The following PCDH11X variants were observed in gnomAD, a reference collection of about 807,000 sequenced individuals.
PCDH11X encodes the protein protocadherin-11 X-linked.
Under a neutral mutation model 53.3 loss-of-function variants are expected in PCDH11X, and 18 were observed. The ratio of observed to expected loss-of-function variants is 0.34; its 90% CI spans 0.23 to 0.50. PCDH11X has a LOEUF of 0.50. Ranked by LOEUF, PCDH11X falls within the 20% of genes least tolerant of loss-of-function variation. The pLI, the probability that PCDH11X is intolerant of heterozygous loss-of-function variation, is 0.98. For missense variants in PCDH11X, 570 were observed against 1,032.4 expected, an observed-to-expected ratio of 0.55 and a Z score of 6.14; for synonymous variants, 279 against 393.3, an observed-to-expected ratio of 0.71 and a Z score of 3.44.
At chrX:91,996,140 CTTTTTTTTTTTTT>C (rs753881311) in intron 6 of PCDH11X, among the ~76,000 whole-genome samples, 4 of 66,605 alleles carry the variant, frequency 6.0e-5, no homozygotes, top group South Asian at 7.5e-4. Context: ...CACGCCTGGC[CTTTTTTTTTTTTT>C]TTTTTTTTTT....
At chrX:92,293,351 A>G (rs1344817701) in intron 8 of PCDH11X, among the ~76,000 whole-genome samples, 3 of 110,639 alleles carry the variant, frequency 2.7e-5, no homozygotes, top group African/African-American at 6.6e-5. Flanking sequence ...TGGGCCAGAC[A>G]CGGTGGCTGA....
chrX:92,597,221 G>A (rs1925723116), intron 10 of PCDH11X, among the ~76,000 whole-genome samples: 3 of 110,655 alleles, frequency 2.7e-5, no homozygotes, highest in Non-Finnish European at 5.7e-5. Flanking sequence ...ATTTAAATTG[G>A]AAAGGAAGAA....
chrX:92,555,574 C>T (rs761899634), intron 10 of PCDH11X, among the ~76,000 whole-genome samples: 2 of 111,646 alleles, frequency 1.8e-5, no homozygotes, highest in South Asian at 7.5e-4. Flanking sequence ...AGTTTGGAGA[C>T]GTCTGAGGTC....
At chrX:92,111,002 G>T (rs1206425385) in intron 6 of PCDH11X, among the ~76,000 whole-genome samples, 1 of 107,728 alleles carries the variant, frequency 9.3e-6, no homozygotes, top group African/African-American at 3.4e-5. Flanking sequence ...CAACATCTGG[G>T]GTATTCTAGG....
chrX:92,290,349 G>A (rs975520402), intron 8 of PCDH11X, among the ~76,000 whole-genome samples: 1 of 111,283 alleles, frequency 9.0e-6, no homozygotes, highest in Non-Finnish European at 1.9e-5. Context: ...CATCGTTAAA[G>A]CCATTCAATG....
chrX:92,277,649 G>C (rs1453535954), intron 8 of PCDH11X, among the ~76,000 whole-genome samples: 1 of 108,792 alleles, frequency 9.2e-6, no homozygotes, highest in Non-Finnish European at 1.9e-5. Context: ...ATAAGGGATG[G>C]GGCACAGAAA....
At chrX:92,107,960 G>T (rs921843594) in intron 6 of PCDH11X, among the ~76,000 whole-genome samples, 1 of 112,136 alleles carries the variant, frequency 8.9e-6, no homozygotes, top group East Asian at 2.8e-4. Flanking sequence ...TTGATAGTTT[G>T]TGAAATATCT....
intron 6 of PCDH11X, among the ~76,000 whole-genome samples, chrX:92,056,578 T>G (rs1157886006): frequency 3.6e-5 from 4 of 110,896 alleles, no homozygotes; most frequent in African/African-American, 1.3e-4. Context: ...GCAATTACTT[T>G]TGACATCTTT....
intron 7 of PCDH11X, among the ~76,000 whole-genome samples, chrX:92,261,185 A>G (rs1291477189): frequency 9.0e-6 from 1 of 110,882 alleles, no homozygotes; most frequent in Non-Finnish European, 1.9e-5. Context: ...TTTAGTAGGC[A>G]TGCACTAGAA....
chrX:92,561,758 G>T (rs1444114067), intron 10 of PCDH11X, among the ~76,000 whole-genome samples: 1 of 107,745 alleles, frequency 9.3e-6, no homozygotes, highest in Non-Finnish European at 1.9e-5. Flanking sequence ...TAATATCAGA[G>T]AACTCCCCAA....
chrX:92,095,445 A>C (rs2759974), intron 6 of PCDH11X, among the ~76,000 whole-genome samples: 1 of 111,360 alleles, frequency 9.0e-6, no homozygotes, highest in Non-Finnish European at 1.9e-5. Context: ...TTAATAAAAT[A>C]ATAATATTTC....
At chrX:92,351,046 C>T (rs1321606128) in intron 8 of PCDH11X, among the ~76,000 whole-genome samples, 1 of 111,867 alleles carries the variant, frequency 8.9e-6, no homozygotes, top group Non-Finnish European at 1.9e-5. Flanking sequence ...AGAAAGAACT[C>T]GTGAGATAAT....
chrX:92,343,969 T>A (rs1265348578), intron 8 of PCDH11X, among the ~76,000 whole-genome samples: 1 of 111,054 alleles, frequency 9.0e-6, no homozygotes, highest in Non-Finnish European at 1.9e-5. Context: ...AACGTTTTTT[T>A]TTTTCTTGCC....
intron 10 of PCDH11X, among the ~76,000 whole-genome samples, chrX:92,576,734 C>G (rs1470893291): frequency 9.2e-6 from 1 of 108,229 alleles, no homozygotes; most frequent in Non-Finnish European, 1.9e-5. Flanking sequence ...TGTTTTTTTA[C>G]TTTCTGTTGT....
chrX:92,422,368 A>T (rs773125524), intron 9 of PCDH11X, among the ~76,000 whole-genome samples: 174 of 109,523 alleles, frequency 1.6e-3, no homozygotes, highest in African/African-American at 5.8e-3. Context: ...ATGCCTTTGC[A>T]TCCTCATAGC....
At chrX:92,571,793 C>T (rs1335188352) in intron 10 of PCDH11X, among the ~76,000 whole-genome samples, 4 of 111,791 alleles carry the variant, frequency 3.6e-5, no homozygotes, top group Admixed American at 9.6e-5. Flanking sequence ...CACCATTCCT[C>T]AACCTTCCAC....
chrX:92,414,910 T>C (rs1338507158), intron 9 of PCDH11X, among the ~76,000 whole-genome samples: 9 of 110,596 alleles, frequency 8.1e-5, no homozygotes, highest in Non-Finnish European at 9.5e-5. Flanking sequence ...GGCCTATGAA[T>C]TGAAAATTTC....
At chrX:92,012,941 A>G (rs1018951281) in intron 6 of PCDH11X, among the ~76,000 whole-genome samples, 3 of 111,803 alleles carry the variant, frequency 2.7e-5, no homozygotes, top group Non-Finnish European at 5.6e-5. Context: ...ATGGGCAAAA[A>G]CTGGAAGCAT....
chrX:91,940,479 G>T (rs1324336327), intron 6 of PCDH11X, among the ~76,000 whole-genome samples: 1 of 111,478 alleles, frequency 9.0e-6, no homozygotes, highest in African/African-American at 3.3e-5. Context: ...ATAGAAGTGT[G>T]TGTGTGCATG....
Sources: allele counts gnomAD v4.1 joint callset (sites outside exome capture counted in the v4.1 genomes callset), GRCh38; gene constraint gnomAD v4.1.1; transcripts MANE v1.5; gene names NCBI Gene and HGNC (gene_info 2026-07-23, HGNC 2026-07-21).